RAB30: variants seen among roughly 807,000 people sequenced by gnomAD.
RAB30 encodes the protein RAB30, member RAS oncogene family.
A neutral mutation model predicts 25.1 loss-of-function variants in RAB30; 9 were observed. That is an observed-to-expected ratio of 0.36 (90% CI 0.22 to 0.63). The LOEUF is 0.63. RAB30 is among the 20% of genes least tolerant of loss of function. RAB30 has a pLI of 0.69. For missense variants in RAB30, 140 were observed against 243.5 expected (o/e 0.58, Z 2.83); for synonymous variants, 77 against 86.4 (o/e 0.89, Z 0.60).
chr11:83,017,359 C>A (rs182314634), intron 1 of RAB30, among the ~76,000 whole-genome samples: 15 of 152,148 alleles, frequency 9.9e-5, no homozygotes, highest in African/African-American at 3.6e-4. Flanking sequence ...AATAATGTAG[C>A]AAAGAGATTT....
intron 3 of RAB30, among the ~76,000 whole-genome samples, chr11:82,991,887 G>A (rs956937227): frequency 5.9e-5 from 9 of 152,154 alleles, no homozygotes; most frequent in Admixed American, 4.6e-4. Context: ...TTTTTGCAGT[G>A]TAATAAGCAC....
intron 1 of RAB30, among the ~76,000 whole-genome samples, chr11:83,037,230 A>G (rs1184901836): frequency 2.0e-5 from 3 of 152,176 alleles, no homozygotes; most frequent in Non-Finnish European, 4.4e-5. Flanking sequence ...ATTTAATTAC[A>G]ATTTTAAAAA....
intron 1 of RAB30, among the ~76,000 whole-genome samples, chr11:83,070,047 G>C (rs1858795401): frequency 6.6e-6 from 1 of 150,866 alleles, no homozygotes; most frequent in Non-Finnish European, 1.5e-5. Flanking sequence ...GATAAAGGAG[G>C]GGTTTTGAAA....
intron 1 of RAB30, among the ~76,000 whole-genome samples, chr11:83,060,335 A>G (rs986038896): frequency 6.6e-6 from 1 of 152,242 alleles, no homozygotes; most frequent in African/African-American, 2.4e-5. Context: ...GGCCAGGATT[A>G]TCGATAGATG....
intron 1 of RAB30, among the ~76,000 whole-genome samples, chr11:82,998,378 C>T (rs886387362): frequency 2.6e-5 from 4 of 151,970 alleles, no homozygotes; most frequent in South Asian, 4.2e-4. Flanking sequence ...TTAAAACTTA[C>T]AAAAGAACCT....
intron 1 of RAB30, among the ~76,000 whole-genome samples, chr11:83,002,759 T>G (rs935074458): frequency 6.6e-6 from 1 of 152,168 alleles, no homozygotes; most frequent in African/African-American, 2.4e-5. Context: ...CACTGCTGCA[T>G]TCCACCCTGA....
At chr11:83,042,903 A>G (rs1254768237) in intron 1 of RAB30, among the ~76,000 whole-genome samples, 1 of 152,236 alleles carries the variant, frequency 6.6e-6, no homozygotes, top group Non-Finnish European at 1.5e-5. Context: ...AGGTAAAACA[A>G]CTACATTTAA....
intron 1 of RAB30, among the ~76,000 whole-genome samples, chr11:83,018,262 G>A (rs1316320932): frequency 7.1e-6 from 1 of 140,790 alleles, no homozygotes; most frequent in Non-Finnish European, 1.5e-5. Context: ...TTGTGCCACT[G>A]CACTCTAGGC....
intron 1 of RAB30, among the ~76,000 whole-genome samples, chr11:83,060,843 C>T (rs1209948875): frequency 6.6e-6 from 1 of 152,112 alleles, no homozygotes; most frequent in Non-Finnish European, 1.5e-5. Flanking sequence ...GGAAGAACCA[C>T]CACCAATGTT....
intron 1 of RAB30, among the ~76,000 whole-genome samples, chr11:83,045,263 A>G (rs1858209971): frequency 6.6e-6 from 1 of 152,104 alleles, no homozygotes; most frequent in African/African-American, 2.4e-5. Context: ...CTCCCAAGCA[A>G]CTGAAACTAC....
chr11:83,022,681 G>A (rs1429519897), intron 1 of RAB30, among the ~76,000 whole-genome samples: 1 of 151,992 alleles, frequency 6.6e-6, no homozygotes, highest in East Asian at 1.9e-4. Flanking sequence ...TAACTGACCA[G>A]AATCAGAAGT....
Position 82,997,328 on chromosome 11 carries a change from C to T in RAB30, c.-8-4G>A. The T allele has an allele frequency of 6.3e-7, 1 of 1,586,900 alleles. No homozygotes were observed. On this transcript the variant is annotated splice_polypyrimidine_tract_variant and splice_region_variant and intron_variant, in intron 1 of 4. Coordinates refer to ENST00000527633, the MANE Select transcript of RAB30 (RefSeq NM_001286060.2). ...TCTTCCATACTCATTTACACAGCTG[C>T]AAGGCAAACACAGGCAAAAGTGAGA...
At chr11:83,065,723 A>G (rs1858679869) in intron 1 of RAB30, among the ~76,000 whole-genome samples, 2 of 152,170 alleles carry the variant, frequency 1.3e-5, no homozygotes, top group African/African-American at 4.8e-5. Flanking sequence ...AAATGTTTAA[A>G]AGGATAAATA....
At chr11:82,987,443 C>T (rs920857433) in intron 4 of RAB30, 144 bp downstream of exon 4, 6 of 758,638 alleles carry the variant, frequency 7.9e-6, no homozygotes, top group Admixed American at 3.4e-5. Context: ...ATTTTCTCTT[C>T]AATTGCAGAA....
chr11:83,070,752 A>G (rs1237181837), intron 1 of RAB30, among the ~76,000 whole-genome samples: 1 of 152,196 alleles, frequency 6.6e-6, no homozygotes, highest in Non-Finnish European at 1.5e-5. Flanking sequence ...AAAACAACCA[A>G]AATCACTCTT....
At chr11:83,025,849 A>G (rs1276059867) in intron 1 of RAB30, among the ~76,000 whole-genome samples, 1 of 152,194 alleles carries the variant, frequency 6.6e-6, no homozygotes, top group Non-Finnish European at 1.5e-5. Flanking sequence ...AGGCAAATAA[A>G]ATATATACAT....
intron 1 of RAB30, among the ~76,000 whole-genome samples, chr11:83,054,584 C>T (rs771776789): frequency 2.6e-5 from 4 of 151,860 alleles, no homozygotes; most frequent in African/African-American, 7.3e-5. Flanking sequence ...GTTGAGGCCA[C>T]GCATGGTGGC....
intron 1 of RAB30, among the ~76,000 whole-genome samples, chr11:83,064,686 C>T (rs1466922817): frequency 6.6e-6 from 1 of 152,174 alleles, no homozygotes; most frequent in Non-Finnish European, 1.5e-5. Flanking sequence ...CCTGAAGCAG[C>T]CCTTGATGTG....
intron 1 of RAB30, among the ~76,000 whole-genome samples, chr11:83,030,026 T>C (rs529475232): frequency 6.6e-6 from 1 of 152,100 alleles, no homozygotes; most frequent in East Asian, 1.9e-4. Flanking sequence ...ATAATGAAAT[T>C]TGTGACCTGG....
Sources: allele counts gnomAD v4.1 joint callset (sites outside exome capture counted in the v4.1 genomes callset), GRCh38; gene constraint gnomAD v4.1.1; transcripts MANE v1.5; gene names NCBI Gene and HGNC (gene_info 2026-07-23, HGNC 2026-07-21).